STXBP5: variants seen among roughly 807,000 people sequenced by gnomAD.
The protein encoded by STXBP5 is syntaxin-binding protein 5.
In STXBP5, 50 loss-of-function variants were observed where a neutral mutation model predicts 152.4. The observed-to-expected ratio is 0.33, with a 90% confidence interval of 0.26 to 0.42. The LOEUF is 0.42. Ranked by LOEUF, STXBP5 falls within the 10% of genes least tolerant of loss-of-function variation. The pLI is 1.00. For missense variants in STXBP5, 1,167 were observed against 1,388.6 expected, an observed-to-expected ratio of 0.84 and a Z score of 2.54; for synonymous variants, 492 against 494.7, an observed-to-expected ratio of 0.99 and a Z score of 0.07.
intron 16 of STXBP5, among the ~76,000 whole-genome samples, chr6:147,324,461 C>CA (rs1047317098): frequency 2.6e-5 from 4 of 151,728 alleles, no homozygotes; most frequent in Non-Finnish European, 5.9e-5. Context: ...TTGGTAGAGA[C>CA]AGAGTTTCAC....
intron 21 of STXBP5, among the ~76,000 whole-genome samples, chr6:147,350,587 T>C (rs552677271): frequency 1.3e-5 from 2 of 152,276 alleles, no homozygotes; most frequent in East Asian, 3.9e-4. Flanking sequence ...GTTGAGCTTA[T>C]TATAGTGGTG....
At chr6:147,248,657 A>G (rs1053983722) in intron 4 of STXBP5, among the ~76,000 whole-genome samples, 1 of 152,172 alleles carries the variant, frequency 6.6e-6, no homozygotes, top group Non-Finnish European at 1.5e-5. Context: ...TTTTATTCCT[A>G]AACAGGTACC....
intron 8 of STXBP5, among the ~76,000 whole-genome samples, chr6:147,283,497 AAG>A (rs1486330975): frequency 6.6e-6 from 1 of 152,182 alleles, no homozygotes; most frequent in Non-Finnish European, 1.5e-5. Context: ...CAGGAGGAGA[AAG>A]AGAATGCAGG....
chr6:147,348,338 C>A, intron 21 of STXBP5, among the ~76,000 whole-genome samples: 1 of 151,400 alleles, frequency 6.6e-6, no homozygotes, highest in South Asian at 2.1e-4. Flanking sequence ...CCTTTCCCTC[C>A]CTCCCTCCCT....
At chr6:147,342,156 T>C (rs1209090065) in intron 21 of STXBP5, among the ~76,000 whole-genome samples, 5 of 152,154 alleles carry the variant, frequency 3.3e-5, no homozygotes, top group Non-Finnish European at 5.9e-5. Flanking sequence ...CCCTGTTCTA[T>C]CTACACAATA....
intron 4 of STXBP5, among the ~76,000 whole-genome samples, chr6:147,252,048 C>T (rs889860708): frequency 6.6e-6 from 1 of 152,140 alleles, no homozygotes; most frequent in Admixed American, 6.5e-5. Flanking sequence ...ACAAAAAGGG[C>T]ATCCACACAG....
chr6:147,266,634 T>G (rs1242979425), intron 6 of STXBP5, among the ~76,000 whole-genome samples: 1 of 152,024 alleles, frequency 6.6e-6, no homozygotes, highest in Non-Finnish European at 1.5e-5. Context: ...TGGGGCACAT[T>G]TACTTTGAGG....
At chr6:147,251,932 C>T (rs1296185349) in intron 4 of STXBP5, among the ~76,000 whole-genome samples, 1 of 152,178 alleles carries the variant, frequency 6.6e-6, no homozygotes, top group African/African-American at 2.4e-5. Context: ...GCTGGTGATA[C>T]CCAGGCAAAC....
intron 2 of STXBP5, among the ~76,000 whole-genome samples, chr6:147,233,870 CTACTACTATTACTACTACTACTAT>C (rs1273495225): frequency 6.7e-6 from 1 of 150,044 alleles, no homozygotes; most frequent in Non-Finnish European, 1.5e-5. Context: ...ACTACTACTA[CTACTACTATTACTACTACTACTAT>C]TACTACTAAC....
chr6:147,299,406 C>T (rs1781693051), intron 9 of STXBP5, among the ~76,000 whole-genome samples: 1 of 151,960 alleles, frequency 6.6e-6, no homozygotes, highest in African/African-American at 2.4e-5. Context: ...TGGACATATT[C>T]AGTGCTGAGT....
chr6:147,340,904 T>C (rs188616954), intron 21 of STXBP5, among the ~76,000 whole-genome samples: 2 of 152,294 alleles, frequency 1.3e-5, no homozygotes, highest in South Asian at 2.1e-4. Context: ...TTTTATCTTA[T>C]TGGTGAGTTT....
chr6:147,325,883 T>A (rs1049486475), intron 17 of STXBP5, among the ~76,000 whole-genome samples: 2 of 152,074 alleles, frequency 1.3e-5, no homozygotes, highest in African/African-American at 2.4e-5. Context: ...TCAGAAAATA[T>A]AACCAAAAAA....
At chr6:147,368,268 A>C (rs1325938607) in intron 25 of STXBP5, among the ~76,000 whole-genome samples, 3 of 152,118 alleles carry the variant, frequency 2.0e-5, no homozygotes, top group African/African-American at 7.2e-5. Context: ...TAAAAAAAAA[A>C]AATTTTTGCA....
chr6:147,309,857 A>G (rs1233594406), intron 9 of STXBP5, among the ~76,000 whole-genome samples: 4 of 152,162 alleles, frequency 2.6e-5, no homozygotes, highest in Non-Finnish European at 4.4e-5. Context: ...GGGAGGTATA[A>G]AAGTTAAATT....
intron 4 of STXBP5, among the ~76,000 whole-genome samples, chr6:147,257,905 G>C (rs535388836): frequency 2.6e-5 from 4 of 152,292 alleles, no homozygotes; most frequent in Admixed American, 6.5e-5. Flanking sequence ...GCCTTCCCCT[G>C]AAGTCACTTA....
In STXBP5 at chr6:147,311,472, G is replaced by A; in HGVS notation, c.1090G>A (p.Ala364Thr). ...PYPNDFQEPY[A>T]VVVLLEKDLV... ...AATTCCAGATTTTCAAGAACCATAT[G>A]CTGTGGTTGTTCTTCTAGAAAAGGA... The change falls in exon 11 of 28, where the codon GCT becomes ACT. Residue 364 changes from alanine to threonine, a missense_variant. Transcript: ENST00000321680. The A allele has an allele frequency of 3.1e-6, 5 of 1,612,104 alleles. No individual in the cohort carries two copies. Among genetic ancestry groups the A allele is most frequent in the Non-Finnish European group, 4.2e-6 (5 of 1,179,126 alleles).
intron 2 of STXBP5, among the ~76,000 whole-genome samples, chr6:147,208,169 G>A (rs1776667414): frequency 6.6e-6 from 1 of 152,072 alleles, no homozygotes; most frequent in Non-Finnish European, 1.5e-5. Context: ...TACTAAGAAT[G>A]AAGTATGGAA....
chr6:147,214,228 A>G (rs1777044266), intron 2 of STXBP5, among the ~76,000 whole-genome samples: 1 of 152,204 alleles, frequency 6.6e-6, no homozygotes, highest in African/African-American at 2.4e-5. Flanking sequence ...TCTTCTGTAT[A>G]TCTGTATTAT....
intron 2 of STXBP5, among the ~76,000 whole-genome samples, chr6:147,206,941 C>A (rs1426681997): frequency 6.6e-6 from 1 of 151,554 alleles, no homozygotes; most frequent in Non-Finnish European, 1.5e-5. Flanking sequence ...TTGGATTCAT[C>A]TATCTGTGGG....
Sources: allele counts gnomAD v4.1 joint callset (sites outside exome capture counted in the v4.1 genomes callset), GRCh38; gene constraint gnomAD v4.1.1; transcripts MANE v1.5; gene names NCBI Gene and HGNC (gene_info 2026-07-23, HGNC 2026-07-21).